The following ASTN2 variants were observed in gnomAD, a reference collection of about 807,000 sequenced individuals.
ASTN2 encodes the protein astrotactin-2.
A neutral mutation model predicts 139.8 loss-of-function variants in ASTN2; 54 were observed. The ratio of observed to expected loss-of-function variants is 0.39; its 90% CI spans 0.31 to 0.48. The LOEUF is 0.48. Among genes scored for constraint, ASTN2 ranks in the 20% least tolerant of loss-of-function variants. The pLI, the probability that ASTN2 is intolerant of heterozygous loss-of-function variation, is 0.95. For synonymous variants in ASTN2, 756 were observed against 719.5 expected, an observed-to-expected ratio of 1.05 and a Z score of -0.81; for missense variants, 1,565 against 1,725.1, an observed-to-expected ratio of 0.91 and a Z score of 1.64.
intron 1 of ASTN2, among the ~76,000 whole-genome samples, chr9:117,411,416 A>G (rs1463613931): frequency 1.4e-5 from 2 of 143,714 alleles, no homozygotes; most frequent in Non-Finnish European, 3.0e-5. Flanking sequence ...TTTGATAGGG[A>G]GACTAGAAAT....
intron 4 of ASTN2, among the ~76,000 whole-genome samples, chr9:117,136,195 G>A (rs756896978): frequency 6.6e-6 from 1 of 152,142 alleles, no homozygotes; most frequent in Non-Finnish European, 1.5e-5. Flanking sequence ...TGTGCTAAAT[G>A]CTTTACTGGG....
At chr9:116,997,269 C>T (rs141530269) in intron 7 of ASTN2, among the ~76,000 whole-genome samples, 12 of 152,272 alleles carry the variant, frequency 7.9e-5, no homozygotes, top group Admixed American at 7.9e-4. Context: ...AATTTTATGA[C>T]CTCATCCTAG....
chr9:116,938,550 C>T (rs1028011540), intron 10 of ASTN2, among the ~76,000 whole-genome samples: 1 of 152,074 alleles, frequency 6.6e-6, no homozygotes, highest in African/African-American at 2.4e-5. Context: ...CTCAACAATA[C>T]CCCCCACTCC....
At chr9:117,317,632 T>A (rs1466644439) in intron 1 of ASTN2, among the ~76,000 whole-genome samples, 1 of 152,170 alleles carries the variant, frequency 6.6e-6, no homozygotes, top group Non-Finnish European at 1.5e-5. Flanking sequence ...ATCAAGAGTG[T>A]CAAGCCCAGG....
At chr9:116,687,367 G>T in intron 16 of ASTN2, 1 of 544,096 alleles carries the variant, frequency 1.8e-6, no homozygotes, top group Non-Finnish European at 2.3e-6. Flanking sequence ...ACTCGTCGGA[G>T]CCGCGGGCGG....
intron 1 of ASTN2, among the ~76,000 whole-genome samples, chr9:117,319,587 C>A (rs1828258986): frequency 7.4e-6 from 1 of 135,998 alleles, no homozygotes; most frequent in African/African-American, 2.8e-5. Flanking sequence ...GCCATCATGC[C>A]CAGCAATTTT....
chr9:117,205,219 T>C (rs1831876521), intron 3 of ASTN2, among the ~76,000 whole-genome samples: 1 of 152,120 alleles, frequency 6.6e-6, no homozygotes, highest in South Asian at 2.1e-4. Context: ...CATATCATGG[T>C]GGCTAGAGCT....
chr9:117,210,938 A>G (rs1217708890), intron 3 of ASTN2, among the ~76,000 whole-genome samples: 1 of 150,660 alleles, frequency 6.6e-6, no homozygotes, highest in Non-Finnish European at 1.5e-5. Flanking sequence ...ATGAAGGACA[A>G]TCAATAGAAT....
At chr9:117,117,438 G>A (rs1057231096) in intron 4 of ASTN2, among the ~76,000 whole-genome samples, 1 of 151,064 alleles carries the variant, frequency 6.6e-6, no homozygotes, top group African/African-American at 2.4e-5. Flanking sequence ...CCAAAGTTGT[G>A]TCAACAGGCT....
intron 16 of ASTN2, among the ~76,000 whole-genome samples, chr9:116,702,741 G>A (rs1483662227): frequency 6.6e-6 from 1 of 152,140 alleles, no homozygotes; most frequent in Non-Finnish European, 1.5e-5. Context: ...TGACTTAGAG[G>A]TTGGTTAAGC....
At chr9:116,743,658 ACCC>A (rs1829155466) in intron 13 of ASTN2, among the ~76,000 whole-genome samples, 2 of 152,046 alleles carry the variant, frequency 1.3e-5, no homozygotes, top group Non-Finnish European at 2.9e-5. Flanking sequence ...GGGGTGTGCC[ACCC>A]CACCGAGCTA....
intron 7 of ASTN2, among the ~76,000 whole-genome samples, chr9:116,984,834 C>T (rs1368772166): frequency 6.6e-6 from 1 of 152,170 alleles, no homozygotes; most frequent in Non-Finnish European, 1.5e-5. Context: ...GGATCTCCCA[C>T]TTTTCCAAAT....
intron 16 of ASTN2, among the ~76,000 whole-genome samples, chr9:116,701,495 G>C (rs1861167568): frequency 6.6e-6 from 1 of 152,188 alleles, no homozygotes; most frequent in Non-Finnish European, 1.5e-5. Context: ...GTCAGTGGGG[G>C]ACTTGCTGAG....
intron 1 of ASTN2, among the ~76,000 whole-genome samples, chr9:117,360,299 G>A (rs917019831): frequency 2.0e-5 from 3 of 152,164 alleles, no homozygotes; most frequent in Non-Finnish European, 4.4e-5. Flanking sequence ...CAATTAAATA[G>A]GTAATGAGGG....
intron 2 of ASTN2, among the ~76,000 whole-genome samples, chr9:117,227,621 G>C (rs1479282120): frequency 1.3e-5 from 2 of 152,174 alleles, no homozygotes; most frequent in Non-Finnish European, 2.9e-5. Context: ...GACCGAAAAG[G>C]CTGGAAGATA....
chr9:117,060,386 GAAAGAAAGAAAGAAAGAAAGAAA>G, intron 5 of ASTN2, among the ~76,000 whole-genome samples: 1 of 72,256 alleles, frequency 1.4e-5, no homozygotes, highest in East Asian at 3.0e-4. Context: ...AAGAAAGAAA[GAAAGAAAGAAAGAAAGAAAGAAA>G]GAAGGAAAGG....
chr9:116,518,913 C>T (rs1431223290), intron 19 of ASTN2, among the ~76,000 whole-genome samples: 2 of 151,988 alleles, frequency 1.3e-5, no homozygotes, highest in South Asian at 2.1e-4. Context: ...CAAAGAGGTA[C>T]ATTATATAAT....
chr9:116,665,281 A>G (rs803907), intron 16 of ASTN2, among the ~76,000 whole-genome samples: 95,768 of 152,076 alleles, frequency 0.63, 30,990 homozygotes, highest in East Asian at 0.87. Flanking sequence ...ATTTTGAAAT[A>G]ATTACCTGTC....
At chr9:116,642,132 C>CAAAAA (rs1252642911) in intron 17 of ASTN2, among the ~76,000 whole-genome samples, 1,832 of 48,522 alleles carry the variant, frequency 0.038, 216 homozygotes, top group East Asian at 0.073. Flanking sequence ...TCCCAACCCA[C>CAAAAA]AAAAAAAAAA....
Sources: gnomAD v4.1 joint callset for allele counts (sites outside exome capture counted in the v4.1 genomes callset) on GRCh38, gnomAD v4.1.1 for gene constraint, MANE v1.5 for transcripts, NCBI Gene and HGNC (gene_info 2026-07-23, HGNC 2026-07-21) for gene names.